Variants in BTC observed in about 807,000 individuals in gnomAD.
BTC encodes betacellulin.
Under a neutral mutation model 18.1 loss-of-function variants are expected in BTC, and 13 were observed. That is an observed-to-expected ratio of 0.72 (90% CI 0.47 to 1.14). The LOEUF is 1.14. BTC is among the 50% of genes most tolerant of loss of function. The pLI, the probability that BTC is intolerant of heterozygous loss-of-function variation, is 0.00. For synonymous variants in BTC, 83 were observed against 79.4 expected (o/e 1.05, Z -0.24); for missense variants, 247 against 224.2 (o/e 1.10, Z -0.65).
chr4:74,765,284 A>G (rs530158856), intron 2 of BTC, among the ~76,000 whole-genome samples: 1 of 152,190 alleles, frequency 6.6e-6, no homozygotes, highest in African/African-American at 2.4e-5. Flanking sequence ...AGAGATAGAA[A>G]ATATTTTTTT....
intron 3 of BTC, among the ~76,000 whole-genome samples, chr4:74,752,204 C>T (rs1320613288): frequency 6.6e-6 from 1 of 152,048 alleles, no homozygotes; most frequent in African/African-American, 2.4e-5. Context: ...GGAGAAAAGA[C>T]AACTAAAGGC....
chr4:74,792,239 G>A (rs893236693), intron 1 of BTC, among the ~76,000 whole-genome samples: 1 of 152,162 alleles, frequency 6.6e-6, no homozygotes, highest in Non-Finnish European at 1.5e-5. Context: ...TCATTTAACA[G>A]GGCGGTTGTA....
chr4:74,750,475 A>G, intron 4 of BTC, 98 bp downstream of exon 4: 1 of 1,304,922 alleles, frequency 7.7e-7, no homozygotes, highest in Non-Finnish European at 1.0e-6. Flanking sequence ...TGAATCAAAG[A>G]AAAAGCAAAA....
At chr4:74,764,817 T>G (rs6848247) in intron 2 of BTC, among the ~76,000 whole-genome samples, 39,765 of 151,788 alleles carry the variant, frequency 0.26, 7,524 homozygotes, top group African/African-American at 0.54. Flanking sequence ...TGCTAATAAA[T>G]ATATACCCAG....
intron 4 of BTC, among the ~76,000 whole-genome samples, chr4:74,749,515 T>TAAATAAATAAATA (rs1553955878): frequency 6.7e-6 from 1 of 150,352 alleles, no homozygotes; most frequent in African/African-American, 2.4e-5. Context: ...AATAAATAAA[T>TAAATAAATAAATA]AATCAAAGAC....
chr4:74,779,557 G>A (rs1451022147), intron 1 of BTC, among the ~76,000 whole-genome samples: 1 of 152,110 alleles, frequency 6.6e-6, no homozygotes, highest in East Asian at 1.9e-4. Flanking sequence ...AATTTCTATA[G>A]TAGTTCAAAG....
chr4:74,750,241 A>G (rs1233051410), intron 4 of BTC, among the ~76,000 whole-genome samples: 1 of 152,206 alleles, frequency 6.6e-6, no homozygotes, highest in Non-Finnish European at 1.5e-5. Flanking sequence ...CATAAAGTTT[A>G]TTATTTTAAT....
intron 3 of BTC, among the ~76,000 whole-genome samples, chr4:74,755,011 T>A (rs1367300571): frequency 1.3e-5 from 2 of 152,092 alleles, no homozygotes; most frequent in South Asian, 4.2e-4. Flanking sequence ...GCAATTGTTA[T>A]CTGCCTCCAT....
intron 3 of BTC, among the ~76,000 whole-genome samples, chr4:74,751,980 C>T (rs1318170094): frequency 6.6e-6 from 1 of 152,144 alleles, no homozygotes; most frequent in Non-Finnish European, 1.5e-5. Context: ...TGTGCAACCC[C>T]ATTTTCCTTT....
At chr4:74,766,019 G>C (rs892284532) in intron 2 of BTC, among the ~76,000 whole-genome samples, 7 of 152,002 alleles carry the variant, frequency 4.6e-5, no homozygotes, top group African/African-American at 1.7e-4. Flanking sequence ...ACTGAATACT[G>C]TAAGCAATCA....
chr4:74,755,764 A>G (rs1560711152), intron 3 of BTC, 95 bp downstream of exon 3: 1 of 1,171,706 alleles, frequency 8.5e-7, no homozygotes, highest in South Asian at 1.3e-5. Context: ...GTTCGGACAG[A>G]TGGCATGGTT....
At chr4:74,788,364 A>C (rs906771758) in intron 1 of BTC, among the ~76,000 whole-genome samples, 2 of 152,172 alleles carry the variant, frequency 1.3e-5, no homozygotes, top group African/African-American at 4.8e-5. Flanking sequence ...AATTGTCACT[A>C]TTAGTGAATT....
At chr4:74,791,340 A>G (rs1725620150) in intron 1 of BTC, among the ~76,000 whole-genome samples, 1 of 144,944 alleles carries the variant, frequency 6.9e-6, no homozygotes, top group African/African-American at 2.8e-5. Flanking sequence ...AGACTGTCTC[A>G]AAAAAAGAAA....
chr4:74,790,879 G>A (rs1725606023), intron 1 of BTC, among the ~76,000 whole-genome samples: 1 of 152,230 alleles, frequency 6.6e-6, no homozygotes, highest in Non-Finnish European at 1.5e-5. Context: ...GCCAGAGCCA[G>A]GGATGGCACA....
intron 2 of BTC, among the ~76,000 whole-genome samples, chr4:74,756,192 T>G (rs188862486): frequency 6.5e-4 from 99 of 152,244 alleles, no homozygotes; most frequent in African/African-American, 2.3e-3. Context: ...GTTTCCTACT[T>G]TAATTAAGAT....
At chr4:74,774,179 A>G (rs1725119655) in intron 1 of BTC, among the ~76,000 whole-genome samples, 1 of 152,240 alleles carries the variant, frequency 6.6e-6, no homozygotes, top group South Asian at 2.1e-4. Flanking sequence ...AGTAATGTCA[A>G]TATTGATAAT....
In BTC at chr4:74,750,728, C is replaced by T. The variant is rs1553956057; in HGVS notation, c.282-9G>A. ...TGTAGCCTTCATCACAGCTATAAAA[C>T]AAGACGAGGGCAAGGAAGTAAAACT... On this transcript the variant is annotated splice_polypyrimidine_tract_variant and intron_variant, in intron 3 of 5. Coordinates refer to ENST00000395743, the MANE Select transcript of BTC (RefSeq NM_001729.4). 2 of 1,610,110 alleles carry T rather than the reference C, an allele frequency of 1.2e-6. No homozygotes were observed. Among genetic ancestry groups the T allele is most frequent in the South Asian group, 2.2e-5 (2 of 89,800 alleles).
At chr4:74,758,357 A>G (rs1328615719) in intron 2 of BTC, among the ~76,000 whole-genome samples, 3 of 152,184 alleles carry the variant, frequency 2.0e-5, no homozygotes, top group African/African-American at 7.2e-5. Context: ...ACTGTGGACC[A>G]TTTTGTCACC....
chr4:74,781,216 T>C (rs931257621), intron 1 of BTC, among the ~76,000 whole-genome samples: 2 of 131,960 alleles, frequency 1.5e-5, no homozygotes, highest in African/African-American at 3.6e-5. Context: ...ATAAATTTCT[T>C]CCAAATGCTG....
Sources: allele counts gnomAD v4.1 joint callset (sites outside exome capture counted in the v4.1 genomes callset), GRCh38; gene constraint gnomAD v4.1.1; transcripts MANE v1.5; gene names NCBI Gene and HGNC (gene_info 2026-07-23, HGNC 2026-07-21).